Variants in SUGP2 observed in about 807,000 individuals in gnomAD.
The protein encoded by SUGP2 is SURP and G-patch domain-containing protein 2.
SUGP2 carries 24 observed loss-of-function variants against 90.5 expected under a neutral mutation model. That is an observed-to-expected ratio of 0.27 (90% CI 0.19 to 0.37). The LOEUF is 0.37. Among genes scored for constraint, SUGP2 ranks in the 10% least tolerant of loss-of-function variants. The probability of loss-of-function intolerance (pLI) is 1.00; values close to 1 mark genes in which losing one functional copy is unlikely to be tolerated. For synonymous variants in SUGP2, 473 were observed against 513.4 expected (o/e 0.92, Z 1.06); for missense variants, 1,233 against 1,363.3 (o/e 0.90, Z 1.51).
At chr19:19,016,118 C>G (rs770145853) in intron 4 of SUGP2, among the ~76,000 whole-genome samples, 1 of 152,126 alleles carries the variant, frequency 6.6e-6, no homozygotes, top group Non-Finnish European at 1.5e-5. Context: ...TTTCATGATA[C>G]TGGTTTACCT....
At chr19:18,997,530 G>C (rs1168165946) in intron 8 of SUGP2, among the ~76,000 whole-genome samples, 1 of 152,164 alleles carries the variant, frequency 6.6e-6, no homozygotes, top group South Asian at 2.1e-4. Flanking sequence ...CACGCCTGTA[G>C]TCCCAGCACT....
At chr19:19,022,025 G>A (rs571253312) in intron 3 of SUGP2, among the ~76,000 whole-genome samples, 3 of 149,822 alleles carry the variant, frequency 2.0e-5, no homozygotes, top group Admixed American at 6.6e-5. Flanking sequence ...TCGCTCTGTC[G>A]CCAGGCTGGA....
rs1428114300 is a variant in SUGP2, at chr19:19,024,731, T to C, written c.1617A>G (p.Gly539=). ...CGGCTTTCTTAACCTGGAGGGGACA[T>C]CCGCTGCTGACTAGCCAGGCCTTCA... is the stretch of plus-strand genomic sequence containing the variant. ...DHLKAWLVSS[G]CPLQVKKAEP... The change falls in exon 3 of 11, where the codon GGA becomes GGG. Residue 539 remains glycine, a synonymous_variant. Coordinates refer to ENST00000452918, the MANE Select transcript of SUGP2 (RefSeq NM_001017392.5). 1.2e-6 allele frequency: 2 copies of C among 1,614,080 alleles called. No individual in the cohort carries two copies. The highest frequency in any genetic ancestry group is 3.3e-5 in the Admixed American group (2 of 59,988).
chr19:19,018,414 G>A (rs28628081), intron 4 of SUGP2, among the ~76,000 whole-genome samples: 3,508 of 149,808 alleles, frequency 0.023, 129 homozygotes, highest in African/African-American at 0.081. Flanking sequence ...TCGGCCGGGC[G>A]CGGTGGCTCA....
At chr19:19,000,975 G>A (rs1349005513) in intron 8 of SUGP2, among the ~76,000 whole-genome samples, 1 of 151,530 alleles carries the variant, frequency 6.6e-6, no homozygotes, top group Non-Finnish European at 1.5e-5. Context: ...AAACTGCTGG[G>A]ATCACAAGTG....
intron 2 of SUGP2, among the ~76,000 whole-genome samples, chr19:19,029,609 T>C (rs1396217927): frequency 6.6e-6 from 1 of 150,516 alleles, no homozygotes; most frequent in Non-Finnish European, 1.5e-5. Flanking sequence ...TGGCTAATTT[T>C]TTTTTTTTTT....
At chr19:18,998,505 G>A (rs944263560) in intron 8 of SUGP2, among the ~76,000 whole-genome samples, 1 of 152,152 alleles carries the variant, frequency 6.6e-6, no homozygotes, top group African/African-American at 2.4e-5. Context: ...CTTAGACTTG[G>A]ACCTTCAAAG....
At chr19:19,019,363 C>T (rs2058622272) in intron 3 of SUGP2, 134 bp from the exon 4 acceptor site, 2 of 981,364 alleles carry the variant, frequency 2.0e-6, no homozygotes, top group Admixed American at 3.2e-5. Context: ...ATTCACAAGA[C>T]ACCAGCATTG....
intron 1 of SUGP2, chr19:19,033,170 G>C (rs2059255571): frequency 4.9e-6 from 1 of 204,642 alleles, no homozygotes; most frequent in African/African-American, 2.3e-5. Context: ...CTCCGAGTTC[G>C]GGAGGAATGA....
At chr19:19,027,337 G>A (rs1313083106) in intron 2 of SUGP2, among the ~76,000 whole-genome samples, 1 of 152,138 alleles carries the variant, frequency 6.6e-6, no homozygotes, top group African/African-American at 2.4e-5. Flanking sequence ...GGTGCCAGGA[G>A]GTAGCAATAG....
At chr19:18,996,744 G>A (rs1310952757) in intron 8 of SUGP2, among the ~76,000 whole-genome samples, 1 of 152,254 alleles carries the variant, frequency 6.6e-6, no homozygotes, top group Non-Finnish European at 1.5e-5. Context: ...TAGAGACGGG[G>A]TTTCGCCATG....
chr19:18,996,340 G>T (rs1182824080), intron 8 of SUGP2, among the ~76,000 whole-genome samples: 1 of 152,212 alleles, frequency 6.6e-6, no homozygotes. Flanking sequence ...AGGTTGCAGT[G>T]AGCGGAGACC....
intron 3 of SUGP2, among the ~76,000 whole-genome samples, chr19:19,019,991 C>A (rs140382637): frequency 0.018 from 614 of 34,770 alleles, no homozygotes; most frequent in Middle Eastern, 0.05. Context: ...TGCTAAAATA[C>A]AAAAAAAAAA....
rs2058617090 is a variant in SUGP2 at position 19,019,242 on chromosome 19, G to GA, written c.1730-14dup. ...CGCTGGGGGACAGCTGGAACACACA[G>GA]AACAGCTTCTCTGAGAAATATGCTG... On this transcript the variant is annotated splice_polypyrimidine_tract_variant and intron_variant, in intron 3 of 10. Transcript: ENST00000452918. 1.9e-6 allele frequency: 3 copies of GA among 1,605,186 alleles called. No individual in the cohort carries two copies. The highest frequency in any genetic ancestry group is 1.7e-4 in the Middle Eastern group (1 of 5,966).
chr19:19,016,027 T>C (rs2058488313), intron 4 of SUGP2, among the ~76,000 whole-genome samples: 1 of 152,196 alleles, frequency 6.6e-6, no homozygotes. Flanking sequence ...TGCACATACA[T>C]ATTTATAGAC....
chr19:19,004,498 G>A lies in SUGP2; in HGVS notation c.2599C>T (p.Leu867Phe). ...TTGSQESPVD[L>F]MEGEAEFEDE... ...TCAAACTCTGCTTCCCCTTCCATGA[G>A]GTCCACGGGGCTCTCCTGAGAACCC... Residue 867 changes from leucine to phenylalanine, a missense_variant, in exon 7 of 11, where the codon CTC (leucine) becomes TTC (phenylalanine). Around this residue, in one of 8 missense-constraint regions of SUGP2, gnomAD observed 540 missense variants for 542.6 expected, o/e 1.00. Coordinates refer to ENST00000452918, the MANE Select transcript of SUGP2 (RefSeq NM_001017392.5). 15 of 1,614,206 alleles carry A rather than the reference G, an allele frequency of 9.3e-6. No homozygotes were observed. Among genetic ancestry groups the A allele is most frequent in the Non-Finnish European group, 1.3e-5 (15 of 1,180,034 alleles).
chr19:19,024,696 G>C lies in SUGP2; in HGVS notation c.1652C>G (p.Pro551Arg), dbSNP rs773769307. 1.9e-6 allele frequency: 3 copies of C among 1,614,148 alleles called. No homozygotes were observed. The highest frequency in any genetic ancestry group is 1.7e-5 in the Admixed American group (1 of 60,010). The part of the protein sequence containing the change: ...PLQVKKAEPE[P>R]MREEEKMIPP... ...AATCATTTTCTCCTCCTCTCGCATCGGCTCTGGTTCGGCTTTCTTAACCTG... is the reference window on the plus strand; with the variant it reads ...AATCATTTTCTCCTCCTCTCGCATCCGCTCTGGTTCGGCTTTCTTAACCTG... Residue 551 changes from proline (P) to arginine (R), a missense_variant, in exon 3 of 11, where the codon CCG (proline) becomes CGG (arginine). Pro to Arg is a moderately radical substitution (Grantham distance 103, BLOSUM62 -2). Around this residue, in one of 8 missense-constraint regions of SUGP2, gnomAD observed 540 missense variants for 542.6 expected, o/e 1.00. Coordinates refer to ENST00000452918, the MANE Select transcript of SUGP2 (RefSeq NM_001017392.5).
intron 4 of SUGP2, among the ~76,000 whole-genome samples, chr19:19,013,309 C>CT (rs1319150584): frequency 1.3e-5 from 2 of 152,174 alleles, no homozygotes; most frequent in African/African-American, 2.4e-5. Flanking sequence ...TGCTGTTCTC[C>CT]TTAAAGTCTT....
At chr19:19,026,697 G>C (rs999638349) in intron 2 of SUGP2, among the ~76,000 whole-genome samples, 1 of 152,210 alleles carries the variant, frequency 6.6e-6, no homozygotes, top group African/African-American at 2.4e-5. Context: ...AGAACAGACA[G>C]GTTTTATTGA....
Sources: allele counts gnomAD v4.1 joint callset (sites outside exome capture counted in the v4.1 genomes callset), GRCh38; gene constraint gnomAD v4.1.1; regional missense constraint gnomAD v4.1.1; transcripts MANE v1.5; gene names NCBI Gene and HGNC (gene_info 2026-07-23, HGNC 2026-07-21).